CBFB: variants seen among roughly 807,000 people sequenced by gnomAD.
CBFB encodes the protein CBF-beta.
Under a neutral mutation model 30.4 loss-of-function variants are expected in CBFB, and 9 were observed. The observed-to-expected ratio is 0.30, with a 90% CI of 0.18 to 0.52. CBFB has a LOEUF of 0.52. Ranked by LOEUF, CBFB falls within the 20% of genes least tolerant of loss-of-function variation. CBFB has a pLI of 0.97. For synonymous variants in CBFB, 94 were observed against 84.0 expected (o/e 1.12, Z -0.65); for missense variants, 170 against 244.0 (o/e 0.70, Z 2.02).
rs1415961067 is a variant in CBFB at position 67,099,917 on chromosome 16, CTG to C, written c.*1142_*1143del. 126 of 211,504 alleles carry C rather than the reference CTG, an allele frequency of 6.0e-4. No individual in the cohort carries two copies. Among genetic ancestry groups the C allele is most frequent in the African/African-American group, 2.6e-3 (117 of 44,160 alleles). 13.1% of individuals were successfully genotyped at this position (211,504 alleles called of 1,614,324 possible). A position where few individuals can be genotyped will look rare whatever the true frequency, so the allele number is the denominator to read the frequency against. ...TTAGTTTTAGAGAGAAAATGTTCAT[CTG>C]TGCAGAGGATGCATTTTCTTCCATT... On this transcript the variant is annotated 3_prime_UTR_variant, in exon 6 of 6. Coordinates refer to ENST00000412916, the MANE Select transcript of CBFB (RefSeq NM_022845.3).
At chr16:67,071,564 T>G (rs1305084135) in intron 4 of CBFB, among the ~76,000 whole-genome samples, 1 of 152,144 alleles carries the variant, frequency 6.6e-6, no homozygotes, top group African/African-American at 2.4e-5. Flanking sequence ...TAAATTTCTG[T>G]TGTTTAAGCC....
chr16:67,072,397 T>C (rs1400695785), intron 4 of CBFB, among the ~76,000 whole-genome samples: 1 of 152,196 alleles, frequency 6.6e-6, no homozygotes, highest in Non-Finnish European at 1.5e-5. Context: ...TATTAGTCTC[T>C]TATTTATATC....
chr16:67,054,930 ATTTT>A (rs751572190), intron 3 of CBFB, among the ~76,000 whole-genome samples: 1 of 122,744 alleles, frequency 8.1e-6, no homozygotes, highest in Non-Finnish European at 1.8e-5. Flanking sequence ...AATTTTTTGT[ATTTT>A]TTTTTTTTTT....
At chr16:67,085,672 T>A (rs1019916048) in intron 5 of CBFB, among the ~76,000 whole-genome samples, 29 of 144,456 alleles carry the variant, frequency 2.0e-4, no homozygotes, top group Non-Finnish European at 3.8e-4. Context: ...AAATTTAGTA[T>A]CTTTTTTTTT....
intron 3 of CBFB, among the ~76,000 whole-genome samples, chr16:67,065,702 A>G (rs1284263761): frequency 2.0e-5 from 3 of 152,066 alleles, no homozygotes; most frequent in Admixed American, 6.6e-5. Flanking sequence ...TGATTTTGTT[A>G]TAGTATTTAA....
chr16:67,034,269 G>A (rs1966406146), intron 2 of CBFB, among the ~76,000 whole-genome samples: 1 of 152,184 alleles, frequency 6.6e-6, no homozygotes, highest in African/African-American at 2.4e-5. Flanking sequence ...TAATTCTAAA[G>A]ATTGAATGGT....
chr16:67,085,916 G>C (rs1442259091), intron 5 of CBFB, among the ~76,000 whole-genome samples: 1 of 151,856 alleles, frequency 6.6e-6, no homozygotes, highest in East Asian at 1.9e-4. Context: ...CTGACCTCGT[G>C]ATCTGCCCGC....
At chr16:67,048,093 G>A (rs1966662709) in intron 3 of CBFB, among the ~76,000 whole-genome samples, 1 of 151,776 alleles carries the variant, frequency 6.6e-6, no homozygotes, top group South Asian at 2.1e-4. Context: ...TGCAGAAATT[G>A]GTCAGGCGTG....
intron 3 of CBFB, among the ~76,000 whole-genome samples, chr16:67,049,899 G>A (rs1966708296): frequency 6.6e-6 from 1 of 152,058 alleles, no homozygotes; most frequent in Admixed American, 6.6e-5. Flanking sequence ...GAACATATCT[G>A]GTGATAGCTT....
intron 4 of CBFB, among the ~76,000 whole-genome samples, chr16:67,078,504 C>T (rs114311260): frequency 1.5e-3 from 224 of 152,200 alleles, no homozygotes; most frequent in African/African-American, 5.2e-3. Context: ...TATAATCACA[C>T]CACTGCACTC....
intron 4 of CBFB, 141 bp from the exon 5 acceptor site, chr16:67,082,072 G>A: frequency 4.3e-6 from 2 of 465,288 alleles, no homozygotes; most frequent in South Asian, 8.1e-5. Context: ...GCCCGCCTCG[G>A]CCTCCCAAAG....
intron 4 of CBFB, among the ~76,000 whole-genome samples, chr16:67,079,707 T>C (rs1428817047): frequency 4.6e-5 from 7 of 152,208 alleles, no homozygotes; most frequent in African/African-American, 1.2e-4. Context: ...GAAGCCCCAT[T>C]AGGTGACTTG....
At chr16:67,063,857 G>A (rs540105901) in intron 3 of CBFB, among the ~76,000 whole-genome samples, 2 of 152,182 alleles carry the variant, frequency 1.3e-5, no homozygotes, top group South Asian at 4.1e-4. Context: ...GAATCCAAGA[G>A]TCTGAAGAGA....
chr16:67,058,127 C>T (rs553771897), intron 3 of CBFB, among the ~76,000 whole-genome samples: 9 of 147,672 alleles, frequency 6.1e-5, no homozygotes, highest in Non-Finnish European at 1.4e-4. Flanking sequence ...TTATTCAAAT[C>T]GGTTGTTGTT....
intron 3 of CBFB, among the ~76,000 whole-genome samples, chr16:67,051,916 C>T (rs1471063461): frequency 3.8e-5 from 4 of 105,760 alleles, no homozygotes; most frequent in African/African-American, 6.2e-5. Context: ...TGTGTATACA[C>T]ACACACACAC....
chr16:67,029,355 G>T lies in CBFB; in HGVS notation c.-53G>T. On this transcript the variant is annotated 5_prime_UTR_variant, in exon 1 of 6. Coordinates refer to ENST00000412916, the MANE Select transcript of CBFB (RefSeq NM_022845.3). Reference sequence around the variant, plus strand: ...CGGTCAGCGCGGAGCCAGCCAGCGGGTGCCCGCGCAAGCCCCGAGCGCGGC... The same window carrying T: ...CGGTCAGCGCGGAGCCAGCCAGCGGTTGCCCGCGCAAGCCCCGAGCGCGGC... 7.6e-7 allele frequency: 1 copy of T among 1,316,576 alleles called. No homozygotes were observed. The highest frequency in any genetic ancestry group is 1.6e-5 in the African/African-American group (1 of 64,212). 81.6% of individuals were successfully genotyped at this position (1,316,576 alleles called of 1,614,324 possible). A position where few individuals can be genotyped will look rare whatever the true frequency, so the allele number is the denominator to read the frequency against.
chr16:67,056,511 CGTGTGT>C (rs374921594), intron 3 of CBFB, among the ~76,000 whole-genome samples: 1 of 151,876 alleles, frequency 6.6e-6, no homozygotes, highest in Non-Finnish European at 1.5e-5. Flanking sequence ...AATGGCAAGT[CGTGTGT>C]GTGTGTATGT....
intron 2 of CBFB, 30 bp downstream of exon 2, chr16:67,029,843 G>GTCA: frequency 6.5e-7 from 1 of 1,537,648 alleles, no homozygotes; most frequent in African/African-American, 1.4e-5. Flanking sequence ...GCGCGCGCGG[G>GTCA]TCACTTGTTG....
intron 4 of CBFB, among the ~76,000 whole-genome samples, chr16:67,076,765 C>T (rs1355507470): frequency 6.6e-6 from 1 of 152,108 alleles, no homozygotes; most frequent in Non-Finnish European, 1.5e-5. Context: ...CAGAGATTTC[C>T]AACTAATTTT....
Sources: allele counts gnomAD v4.1 joint callset (sites outside exome capture counted in the v4.1 genomes callset), GRCh38; gene constraint gnomAD v4.1.1; transcripts MANE v1.5; gene names NCBI Gene and HGNC (gene_info 2026-07-23, HGNC 2026-07-21).